CAPN8: variants seen among roughly 807,000 people sequenced by gnomAD.
CAPN8 encodes calpain-8.
Under a neutral mutation model 80.9 loss-of-function variants are expected in CAPN8, and 87 were observed. The observed-to-expected ratio is 1.07, with a 90% CI of 0.90 to 1.28. The LOEUF (loss-of-function observed/expected upper bound fraction) is 1.28. Ranked by LOEUF, CAPN8 falls within the 50% of genes most tolerant of loss-of-function variation. The pLI is 0.00. For missense variants in CAPN8, 757 were observed against 702.0 expected (o/e 1.08, Z -0.89); for synonymous variants, 299 against 273.8 (o/e 1.09, Z -0.91).
At chr1:223,547,729 G>A (rs912884610) in intron 16 of CAPN8, among the ~76,000 whole-genome samples, 4 of 152,164 alleles carry the variant, frequency 2.6e-5, no homozygotes, top group Non-Finnish European at 5.9e-5. Context: ...CTGAAGAGTG[G>A]CAGAGAGTCA....
intron 2 of CAPN8, among the ~76,000 whole-genome samples, chr1:223,631,830 A>G (rs1657781888): frequency 6.6e-6 from 1 of 152,136 alleles, no homozygotes; most frequent in South Asian, 2.1e-4. Flanking sequence ...CTGGGGAGTG[A>G]AGGGGGAGAC....
Position 223,625,796 on chromosome 1 carries a change from C to G in CAPN8, c.813+9G>C. ...CACGTTACCTTCCCCACCTTCCACA[C>G]AATTTTACCTCTTCGACTCCAGTGA... On this transcript the variant is annotated intron_variant, in intron 6 of 20. Coordinates refer to ENST00000366872, the MANE Select transcript of CAPN8 (RefSeq NM_001143962.2). 6.5e-7 allele frequency: 1 copy of G among 1,548,460 alleles called. No homozygotes were observed. Among genetic ancestry groups the G allele is most frequent in the Non-Finnish European group, 8.7e-7 (1 of 1,144,130 alleles).
intron 9 of CAPN8, among the ~76,000 whole-genome samples, chr1:223,616,747 A>G (rs1657202090): frequency 6.6e-6 from 1 of 152,202 alleles, no homozygotes; most frequent in South Asian, 2.1e-4. Flanking sequence ...TCTGCTGTCC[A>G]TCACCCCAGG....
intron 2 of CAPN8, among the ~76,000 whole-genome samples, chr1:223,629,726 G>A (rs1008813548): frequency 2.0e-4 from 31 of 152,184 alleles, no homozygotes; most frequent in African/African-American, 6.5e-4. Context: ...GTCCTCAAGC[G>A]TGCTTTACAT....
At chr1:223,618,614 TG>T (rs2102703844) in intron 9 of CAPN8, among the ~76,000 whole-genome samples, 1 of 151,760 alleles carries the variant, frequency 6.6e-6, no homozygotes, top group Non-Finnish European at 1.5e-5. Context: ...GCCAGCTGGG[TG>T]TGGGGAGGGG....
intron 2 of CAPN8, among the ~76,000 whole-genome samples, chr1:223,651,815 G>T (rs1658349523): frequency 6.6e-6 from 1 of 152,248 alleles, no homozygotes; most frequent in Non-Finnish European, 1.5e-5. Context: ...TTTATTAAGT[G>T]AAATGACACC....
chr1:223,621,897 C>T (rs1657405653), intron 7 of CAPN8, among the ~76,000 whole-genome samples: 1 of 151,920 alleles, frequency 6.6e-6, no homozygotes, highest in African/African-American at 2.4e-5. Context: ...TGCTCTGTTG[C>T]CCAAGCTGGA....
chr1:223,609,682 C>T (rs1656985231), intron 11 of CAPN8, among the ~76,000 whole-genome samples: 1 of 152,222 alleles, frequency 6.6e-6, no homozygotes. Context: ...TTTTTCCTCT[C>T]TAATCCAATA....
intron 12 of CAPN8, 134 bp downstream of exon 12, chr1:223,609,019 G>A (rs2102695950): frequency 2.6e-6 from 1 of 382,250 alleles, no homozygotes; most frequent in East Asian, 3.7e-5. Context: ...GGGTCCTTTG[G>A]CCTTGTAGTT....
intron 2 of CAPN8, among the ~76,000 whole-genome samples, chr1:223,629,322 A>T (rs1408360079): frequency 6.6e-6 from 1 of 151,234 alleles, no homozygotes; most frequent in Non-Finnish European, 1.5e-5. Context: ...TTCAGAGTTC[A>T]CCAGGAGAGC....
chr1:223,541,663 C>T lies in CAPN8; in HGVS notation c.*173G>A, dbSNP rs999745031. 48 of 924,534 alleles carry T rather than the reference C, an allele frequency of 5.2e-5. No homozygotes were observed. The highest frequency in any genetic ancestry group is 4.4e-4 in the Admixed American group (20 of 45,026). 57.3% of individuals were successfully genotyped at this position (924,534 alleles called of 1,614,324 possible). ...ATTGCTTTCCCTCCACTGGGCCCAC[C>T]GGGTCGGCTTACATAGCTCATAGCT... On this transcript the variant is annotated 3_prime_UTR_variant, in exon 21 of 21. Coordinates refer to ENST00000366872, the MANE Select transcript of CAPN8 (RefSeq NM_001143962.2).
intron 2 of CAPN8, among the ~76,000 whole-genome samples, chr1:223,650,127 T>C (rs1658306775): frequency 6.6e-6 from 1 of 152,102 alleles, no homozygotes; most frequent in Non-Finnish European, 1.5e-5. Flanking sequence ...GGCAAAGGCA[T>C]TTCCAGGAGC....
At chr1:223,662,498 G>A (rs1018026150) in intron 1 of CAPN8, among the ~76,000 whole-genome samples, 8 of 151,988 alleles carry the variant, frequency 5.3e-5, no homozygotes, top group African/African-American at 7.2e-5. Flanking sequence ...GAAAGGAAAC[G>A]AAATTCGGGG....
chr1:223,615,668 G>A (rs1657149035), intron 10 of CAPN8: 33 of 494,628 alleles, frequency 6.7e-5, no homozygotes, highest in South Asian at 4.9e-4. Flanking sequence ...CTTGTCCCTG[G>A]GGAAGCCTGT....
intron 1 of CAPN8, 53 bp downstream of exon 1, chr1:223,665,357 A>T (rs1658757272): frequency 7.0e-7 from 1 of 1,430,854 alleles, no homozygotes; most frequent in Non-Finnish European, 9.6e-7. Context: ...TCCTGATCAG[A>T]TGTAAGGCCC....
rs1409640746 is a variant in CAPN8, at chr1:223,628,072, A to G, written c.497T>C (p.Leu166Pro). Reference sequence around the variant, plus strand: ...ATTGCCTTGTTCCGAGTGTAGGAAGAGCAGCTGTCCATTCTTGGTGGGCAG... The same window carrying G: ...ATTGCCTTGTTCCGAGTGTAGGAAGGGCAGCTGTCCATTCTTGGTGGGCAG... ...DRLPTKNGQL[L>P]FLHSEQGNEF... Residue 166 changes from leucine to proline, a missense_variant, in exon 4 of 21, where the codon CTC becomes CCC. Physicochemically the swap from Leu to Pro is moderately conservative, Grantham distance 98 (BLOSUM62 -3). Coordinates refer to ENST00000366872, the MANE Select transcript of CAPN8 (RefSeq NM_001143962.2). 1 of 1,551,300 alleles carries G rather than the reference A, an allele frequency of 6.4e-7. No homozygotes were observed. The highest frequency in any genetic ancestry group is 2.0e-5 in the Admixed American group (1 of 50,964).
chr1:223,650,150 T>C (rs753958389), intron 2 of CAPN8, among the ~76,000 whole-genome samples: 2 of 151,944 alleles, frequency 1.3e-5, no homozygotes, highest in Non-Finnish European at 2.9e-5. Flanking sequence ...TGCAGAGTGA[T>C]AGATTTAGGA....
intron 7 of CAPN8, among the ~76,000 whole-genome samples, chr1:223,622,291 C>A (rs966058442): frequency 1.3e-5 from 2 of 152,202 alleles, no homozygotes; most frequent in African/African-American, 2.4e-5. Flanking sequence ...GAGAGGCCTG[C>A]CCAAGAGGAG....
Position 223,628,128 on chromosome 1 carries a change from T to C in CAPN8, c.441A>G (p.Gly147=), listed in dbSNP as rs1657653853. ...CGTCAATGACCACCTCCACCCACTCTCCGTACTGCCAGAACTGGGGAGGGG... is the reference window on the plus strand; with the variant it reads ...CGTCAATGACCACCTCCACCCACTCCCCGTACTGCCAGAACTGGGGAGGGG... ...GIFHFQFWQY[G]EWVEVVIDDR... is the part of the protein sequence containing the mutation. Residue 147 remains glycine (G), a synonymous_variant, in exon 4 of 21, where the codon GGA becomes GGG. Transcript: ENST00000366872. 2.6e-6 allele frequency: 4 copies of C among 1,548,190 alleles called. No individual in the cohort carries two copies. Among genetic ancestry groups the C allele is most frequent in the Non-Finnish European group, 3.5e-6 (4 of 1,145,558 alleles).
Sources: allele counts gnomAD v4.1 joint callset (sites outside exome capture counted in the v4.1 genomes callset), GRCh38; gene constraint gnomAD v4.1.1; transcripts MANE v1.5; gene names NCBI Gene and HGNC (gene_info 2026-07-23, HGNC 2026-07-21).